The following RAB28 variants were observed in gnomAD, a reference collection of about 807,000 sequenced individuals.
RAB28 encodes the protein ras-related protein Rab-28.
Under a neutral mutation model 31.7 loss-of-function variants are expected in RAB28, and 24 were observed. The ratio of observed to expected loss-of-function variants is 0.76; its 90% CI spans 0.55 to 1.06. RAB28 has a LOEUF of 1.06. RAB28 is among the 50% of genes least tolerant of loss of function. The pLI, the probability that RAB28 is intolerant of heterozygous loss-of-function variation, is 0.00. For missense variants in RAB28, 254 were observed against 258.5 expected (o/e 0.98, Z 0.12); for synonymous variants, 100 against 90.4 (o/e 1.11, Z -0.60).
At chr4:13,459,152 T>C (rs1242550649) in intron 4 of RAB28, among the ~76,000 whole-genome samples, 4 of 151,986 alleles carry the variant, frequency 2.6e-5, no homozygotes, top group African/African-American at 9.7e-5. Context: ...GCTTTTGGAC[T>C]GTTGGACTTA....
intron 3 of RAB28, chr4:13,474,060 T>C (rs905361064): frequency 1.7e-6 from 1 of 585,954 alleles, no homozygotes; most frequent in Non-Finnish European, 3.2e-6. Context: ...TTTATTGAAC[T>C]GCTAACAATA....
intron 4 of RAB28, among the ~76,000 whole-genome samples, chr4:13,401,964 A>T (rs946466033): frequency 6.6e-6 from 1 of 152,336 alleles, no homozygotes; most frequent in East Asian, 1.9e-4. Flanking sequence ...TTTTAAATGT[A>T]GTCTTTTTAT....
chr4:13,470,489 T>A (rs934617303), intron 3 of RAB28, among the ~76,000 whole-genome samples: 2 of 152,088 alleles, frequency 1.3e-5, no homozygotes, highest in East Asian at 3.9e-4. Context: ...GTGGGGCCAC[T>A]GGCACACAAT....
chr4:13,433,441 A>G (rs1200799146), intron 4 of RAB28, among the ~76,000 whole-genome samples: 1 of 152,194 alleles, frequency 6.6e-6, no homozygotes. Context: ...TAGGGAACTT[A>G]ATTCAACAAG....
intron 6 of RAB28, among the ~76,000 whole-genome samples, chr4:13,376,099 T>C (rs1162378978): frequency 1.3e-5 from 2 of 152,082 alleles, no homozygotes; most frequent in African/African-American, 4.8e-5. Context: ...CTAAGAAAAC[T>C]ATCTAGGAAT....
chr4:13,466,238 G>A (rs150257562), intron 3 of RAB28, among the ~76,000 whole-genome samples: 1,684 of 151,908 alleles, frequency 0.011, 14 homozygotes, highest in Non-Finnish European at 0.015. Flanking sequence ...AAAAGCTTCT[G>A]TGCAGCAAAG....
intron 4 of RAB28, among the ~76,000 whole-genome samples, chr4:13,385,907 A>G (rs894282797): frequency 6.6e-6 from 1 of 152,192 alleles, no homozygotes; most frequent in African/African-American, 2.4e-5. Context: ...AGAAACTGTG[A>G]AATTCCTAGA....
intron 4 of RAB28, among the ~76,000 whole-genome samples, chr4:13,417,540 C>T (rs1323998176): frequency 2.0e-5 from 3 of 152,196 alleles, no homozygotes; most frequent in Admixed American, 2.0e-4. Flanking sequence ...ACGAAGCTTA[C>T]AGAGGAAGGA....
intron 4 of RAB28, among the ~76,000 whole-genome samples, chr4:13,441,876 C>G (rs1413409440): frequency 6.6e-6 from 1 of 152,194 alleles, no homozygotes; most frequent in East Asian, 1.9e-4. Flanking sequence ...TGCTAATTAA[C>G]TGCCCCCAAT....
Position 13,396,614 on chromosome 4 carries a change from G to C in RAB28, c.392-15020C>G, listed in dbSNP as rs192217256. Among the ~76,000 whole-genome samples the C allele has an allele frequency of 2.4e-3, 368 of 152,100 alleles. 2 individuals carry two copies. Among genetic ancestry groups the C allele is most frequent in the Admixed American group, 6.8e-3 (104 of 15,290 alleles). On this transcript the variant is annotated intron_variant, in intron 4 of 6. Coordinates refer to ENST00000330852, the MANE Select transcript of RAB28 (RefSeq NM_001017979.3). ...GGAAAATCCACGTGTTCCACAAACA[G>C]ATGAAGAAAAAAGTTCTCATCAGAG...
At chr4:13,394,125 G>T (rs1165999154) in intron 4 of RAB28, among the ~76,000 whole-genome samples, 3 of 152,138 alleles carry the variant, frequency 2.0e-5, no homozygotes, top group Admixed American at 1.3e-4. Context: ...GTAACAGAGT[G>T]AAAGAGAGGA....
intron 4 of RAB28, among the ~76,000 whole-genome samples, chr4:13,414,748 G>T (rs1241896943): frequency 6.6e-6 from 1 of 152,072 alleles, no homozygotes; most frequent in Non-Finnish European, 1.5e-5. Flanking sequence ...GACAAAAAAA[G>T]TTTAATTTAG....
chr4:13,404,326 C>T (rs1335647129), intron 4 of RAB28, among the ~76,000 whole-genome samples: 2 of 151,546 alleles, frequency 1.3e-5, no homozygotes, highest in East Asian at 1.9e-4. Flanking sequence ...TGCAGTGAGC[C>T]GAGATCACAC....
At chr4:13,412,662 T>A (rs1433225064) in intron 4 of RAB28, among the ~76,000 whole-genome samples, 2 of 151,784 alleles carry the variant, frequency 1.3e-5, no homozygotes, top group Non-Finnish European at 2.9e-5. Context: ...ACAGACTTTA[T>A]ACAAAGGCAC....
At chr4:13,471,389 A>G (rs1716115340) in intron 3 of RAB28, among the ~76,000 whole-genome samples, 1 of 152,162 alleles carries the variant, frequency 6.6e-6, no homozygotes, top group African/African-American at 2.4e-5. Flanking sequence ...GCCTGGATAT[A>G]GAATTTAAAA....
At chr4:13,451,867 C>G (rs1360414330) in intron 4 of RAB28, among the ~76,000 whole-genome samples, 1 of 151,894 alleles carries the variant, frequency 6.6e-6, no homozygotes, top group Admixed American at 6.6e-5. Context: ...ACTGAGTGTT[C>G]TTGAACATTT....
intron 4 of RAB28, among the ~76,000 whole-genome samples, chr4:13,412,509 C>A (rs1323941498): frequency 6.6e-6 from 1 of 152,016 alleles, no homozygotes; most frequent in Non-Finnish European, 1.5e-5. Flanking sequence ...GCCTTGACCT[C>A]TCTGTTCTAA....
rs535610916 is a variant in RAB28, at chr4:13,420,004, C to T, written c.392-38410G>A. Reference sequence around the variant, plus strand: ...CAAAAGATCCACAAAATTGATAGACCGTTAGCAAGACTAATAAAGAAAAAA... The same window carrying T: ...CAAAAGATCCACAAAATTGATAGACTGTTAGCAAGACTAATAAAGAAAAAA... On this transcript the variant is annotated intron_variant, in intron 4 of 6. Coordinates refer to ENST00000330852, the MANE Select transcript of RAB28 (RefSeq NM_001017979.3). 9.9e-5 allele frequency among the ~76,000 whole-genome samples: 15 copies of T among 151,038 alleles called. No homozygotes were observed. In the South Asian group the frequency reaches 2.3e-3, roughly 23 times the overall value.
chr4:13,478,432 A>G (rs1293150211), intron 2 of RAB28, among the ~76,000 whole-genome samples: 1 of 151,604 alleles, frequency 6.6e-6, no homozygotes, highest in East Asian at 1.9e-4. Flanking sequence ...GGAGATAAGA[A>G]GAATACCTCC....
Sources: gnomAD v4.1 joint callset for allele counts (sites outside exome capture counted in the v4.1 genomes callset) on GRCh38, gnomAD v4.1.1 for gene constraint, MANE v1.5 for transcripts, NCBI Gene and HGNC (gene_info 2026-07-23, HGNC 2026-07-21) for gene names.